Variants in NUDT3 observed in about 807,000 individuals in gnomAD.
NUDT3 encodes the protein diphosphoinositol polyphosphate phosphohydrolase 1.
NUDT3 carries 9 observed loss-of-function variants against 23.6 expected under a neutral mutation model. The observed-to-expected ratio is 0.38, with a 90% CI of 0.23 to 0.66. The LOEUF (loss-of-function observed/expected upper bound fraction) is 0.66, where lower values mean the gene tolerates loss of function less well. NUDT3 is among the 30% of genes least tolerant of loss of function. NUDT3 has a pLI of 0.52. For missense variants in NUDT3, 172 were observed against 218.5 expected (o/e 0.79, Z 1.34); for synonymous variants, 86 against 82.6 (o/e 1.04, Z -0.22).
chr6:34,353,560 T>C (rs911813062), intron 1 of NUDT3, among the ~76,000 whole-genome samples: 8 of 151,590 alleles, frequency 5.3e-5, no homozygotes, highest in Non-Finnish European at 7.4e-5. Flanking sequence ...TGCCATCACA[T>C]CCAGCTAATT....
chr6:34,387,597 G>A (rs1179481516), intron 1 of NUDT3, among the ~76,000 whole-genome samples: 2 of 151,228 alleles, frequency 1.3e-5, no homozygotes, highest in African/African-American at 4.9e-5. Flanking sequence ...CTGCTTGGGA[G>A]GCTGAGGTGG....
chr6:34,316,092 G>A (rs1202967713), intron 2 of NUDT3, among the ~76,000 whole-genome samples: 2 of 152,154 alleles, frequency 1.3e-5, no homozygotes, highest in Non-Finnish European at 2.9e-5. Flanking sequence ...TTGAACTCCT[G>A]ATCTCAAGCA....
In NUDT3 at chr6:34,354,394, A is replaced by AACACACACACACACACACACAC. The variant is rs370168110; in HGVS notation, c.100-12444_100-12423dup. On this transcript the variant is annotated intron_variant, in intron 1 of 4. Coordinates refer to ENST00000607016, the MANE Select transcript of NUDT3 (RefSeq NM_006703.4). ...TGGGCAGTATAGTGAGATTTCATTA[A>AACACACACACACACACACACAC]ACACACACACACACACACACACACA... Among the ~76,000 whole-genome samples, 57 of 137,716 alleles carry AACACACACACACACACACACAC rather than the reference A, an allele frequency of 4.1e-4. 1 individual carries two copies. The highest frequency in any genetic ancestry group is 1.3e-3 in the African/African-American group (46 of 35,810). The allele number at this position is 137,716 out of a possible 152,430, so 90.3% of individuals were successfully genotyped here.
intron 2 of NUDT3, among the ~76,000 whole-genome samples, chr6:34,307,473 G>C (rs1394561796): frequency 6.6e-6 from 1 of 151,940 alleles, no homozygotes; most frequent in Non-Finnish European, 1.5e-5. Context: ...CTACTCAGGA[G>C]GGTGAGATGG....
At chr6:34,371,348 C>T (rs915926070) in intron 1 of NUDT3, among the ~76,000 whole-genome samples, 11 of 151,774 alleles carry the variant, frequency 7.2e-5, no homozygotes, top group South Asian at 2.1e-4. Context: ...TGCCGGTAGT[C>T]CAAGCTACTC....
chr6:34,353,440 A>G (rs77339991), intron 1 of NUDT3, among the ~76,000 whole-genome samples: 8 of 143,082 alleles, frequency 5.6e-5, no homozygotes, highest in African/African-American at 2.1e-4. Flanking sequence ...ACTCCCAAGT[A>G]TTTTTTTTTT....
intron 2 of NUDT3, among the ~76,000 whole-genome samples, chr6:34,328,734 G>A (rs567577576): frequency 3.5e-4 from 53 of 152,174 alleles, no homozygotes; most frequent in African/African-American, 1.3e-3. Context: ...TTTATGAGCC[G>A]GAGACCCCTG....
intron 1 of NUDT3, among the ~76,000 whole-genome samples, chr6:34,358,656 C>T (rs949295524): frequency 5.3e-5 from 8 of 152,060 alleles, no homozygotes; most frequent in Non-Finnish European, 1.0e-4. Context: ...CCATGATGGC[C>T]TGGCCAGATG....
At position 34,388,653 on chromosome 6, in the gene NUDT3, G is replaced by A. The variant is rs1181762183; in HGVS notation, c.99+3611C>T. The stretch of plus-strand genomic sequence containing the variant: ...GTGGTCCAAAATCCCTCCCAATTAA[G>A]GAATCTCATCTAAAACTACTCAACT... On this transcript the variant is annotated intron_variant, in intron 1 of 4. Transcript: ENST00000607016. Among the ~76,000 whole-genome samples, 4 of 152,198 alleles carry A rather than the reference G, an allele frequency of 2.6e-5. No homozygotes were observed. In the South Asian group the frequency reaches 6.2e-4, roughly 24 times the overall value.
At chr6:34,292,302 G>A (rs1359813322) in intron 4 of NUDT3, among the ~76,000 whole-genome samples, 4 of 152,146 alleles carry the variant, frequency 2.6e-5, no homozygotes, top group African/African-American at 7.2e-5. Flanking sequence ...GGGGCATGGC[G>A]GCAAGGCAAA....
intron 1 of NUDT3, among the ~76,000 whole-genome samples, chr6:34,351,211 A>AAAC (rs1764465411): frequency 7.4e-6 from 1 of 134,536 alleles, no homozygotes; most frequent in Admixed American, 7.6e-5. Context: ...AAAAAAAAAA[A>AAAC]AAAAAAAAAA....
intron 2 of NUDT3, among the ~76,000 whole-genome samples, chr6:34,327,845 G>T (rs1240011361): frequency 6.6e-6 from 1 of 152,092 alleles, no homozygotes; most frequent in Non-Finnish European, 1.5e-5. Context: ...TGGCATTACC[G>T]CTTGACCAAG....
At chr6:34,293,604 C>T in intron 3 of NUDT3, 69 bp from the exon 4 acceptor site, 1 of 1,560,288 alleles carries the variant, frequency 6.4e-7, no homozygotes, top group South Asian at 1.1e-5. Context: ...AAATGAAACA[C>T]ACTCTTATGC....
chr6:34,336,552 G>A (rs1437048243), intron 2 of NUDT3, among the ~76,000 whole-genome samples: 7 of 152,096 alleles, frequency 4.6e-5, no homozygotes, highest in South Asian at 2.1e-4. Context: ...TTTGCTGTGC[G>A]GAAGGTTTTT....
chr6:34,372,656 T>C (rs200712150), intron 1 of NUDT3, among the ~76,000 whole-genome samples: 2 of 151,962 alleles, frequency 1.3e-5, no homozygotes, highest in African/African-American at 4.8e-5. Flanking sequence ...AATACAAAAT[T>C]AGCCAGGTGT....
At chr6:34,321,788 T>C (rs942348718) in intron 2 of NUDT3, among the ~76,000 whole-genome samples, 1 of 152,132 alleles carries the variant, frequency 6.6e-6, no homozygotes, top group Non-Finnish European at 1.5e-5. Context: ...TATGTGCAAC[T>C]CACCAAAAAT....
chr6:34,313,593 C>T (rs1472728616), intron 2 of NUDT3, among the ~76,000 whole-genome samples: 1 of 151,556 alleles, frequency 6.6e-6, no homozygotes, highest in Non-Finnish European at 1.5e-5. Context: ...GCTATGCACA[C>T]GTAGGGTCGG....
chr6:34,373,973 G>A (rs1329712258), intron 1 of NUDT3, among the ~76,000 whole-genome samples: 3 of 151,888 alleles, frequency 2.0e-5, no homozygotes, highest in Non-Finnish European at 4.4e-5. Context: ...GGCCAACATG[G>A]TGAAACCCTG....
rs530195275 is a variant in NUDT3 at position 34,287,173 on chromosome 6, G to A, written c.*1580C>T. ...CTATGAGGTACATACATTTCTTTTA[G>A]TAGGAGGGAAAAGTAAAAGCTTTTC... On this transcript the variant is annotated 3_prime_UTR_variant, in exon 5 of 5. Transcript: ENST00000607016. 6.6e-6 allele frequency: 1 copy of A among 152,312 alleles called. No individual in the cohort carries two copies. The highest frequency in any genetic ancestry group is 1.9e-4 in the East Asian group (1 of 5,186). 9.4% of individuals were successfully genotyped at this position (152,312 alleles called of 1,614,324 possible).
Sources: allele counts gnomAD v4.1 joint callset (sites outside exome capture counted in the v4.1 genomes callset), GRCh38; gene constraint gnomAD v4.1.1; transcripts MANE v1.5; gene names NCBI Gene and HGNC (gene_info 2026-07-23, HGNC 2026-07-21).